NAALADL2: variants seen among roughly 807,000 people sequenced by gnomAD.
NAALADL2 encodes inactive N-acetylated-alpha-linked acidic dipeptidase-like protein 2.
Under a neutral mutation model 87.2 loss-of-function variants are expected in NAALADL2, and 76 were observed. The observed-to-expected ratio is 0.87, with a 90% CI of 0.72 to 1.05. The LOEUF is 1.05. Among genes scored for constraint, NAALADL2 ranks in the 50% least tolerant of loss-of-function variants. The probability of loss-of-function intolerance (pLI) is 0.00; values close to 1 mark genes in which losing one functional copy is unlikely to be tolerated. For synonymous variants in NAALADL2, 354 were observed against 331.0 expected (o/e 1.07, Z -0.75); for missense variants, 1,089 against 945.8 (o/e 1.15, Z -1.99).
intron 13 of NAALADL2, among the ~76,000 whole-genome samples, chr3:175,758,549 G>A (rs1208795870): frequency 6.6e-6 from 1 of 151,804 alleles, no homozygotes; most frequent in Non-Finnish European, 1.5e-5. Flanking sequence ...CCTACTTCAT[G>A]TTTTTTCTTG....
At chr3:175,198,559 T>C (rs1160211264) in intron 2 of NAALADL2, among the ~76,000 whole-genome samples, 1 of 152,064 alleles carries the variant, frequency 6.6e-6, no homozygotes, top group African/African-American at 2.4e-5. Context: ...CAATATATAG[T>C]TAGTACTCTT....
chr3:174,851,297 A>T (rs1376407480), intron 3 of NAALADL2, among the ~76,000 whole-genome samples: 1 of 151,580 alleles, frequency 6.6e-6, no homozygotes, highest in East Asian at 1.9e-4. Context: ...CAAAGACAAC[A>T]CAAAAGCAAG....
At chr3:175,652,628 A>G (rs113346826) in intron 11 of NAALADL2, among the ~76,000 whole-genome samples, 3,438 of 151,368 alleles carry the variant, frequency 0.023, 48 homozygotes, top group African/African-American at 0.032. Context: ...ACAGGCGCCC[A>G]CCACCGCGCC....
intron 3 of NAALADL2, among the ~76,000 whole-genome samples, chr3:175,249,801 A>G (rs544702879): frequency 6.6e-6 from 1 of 152,186 alleles, no homozygotes; most frequent in African/African-American, 2.4e-5. Context: ...TAGTGTGACT[A>G]TATTTGAGAA....
intron 4 of NAALADL2, among the ~76,000 whole-genome samples, chr3:175,283,863 T>C (rs1754638680): frequency 6.6e-6 from 1 of 152,130 alleles, no homozygotes; most frequent in Non-Finnish European, 1.5e-5. Flanking sequence ...TTTATCTCTA[T>C]ACCAAACGTT....
intron 1 of NAALADL2, among the ~76,000 whole-genome samples, chr3:175,087,782 G>A (rs1294930712): frequency 2.6e-5 from 4 of 151,814 alleles, no homozygotes; most frequent in African/African-American, 9.7e-5. Context: ...AAAGGCCGCA[G>A]GGTCCTCTGC....
At chr3:174,543,379 C>T (rs1318218767) in intron 1 of NAALADL2, among the ~76,000 whole-genome samples, 1 of 152,062 alleles carries the variant, frequency 6.6e-6, no homozygotes, top group Non-Finnish European at 1.5e-5. Flanking sequence ...TTCACTGATA[C>T]TTATTCCTTA....
At chr3:175,765,335 T>C (rs1748550560) in intron 13 of NAALADL2, among the ~76,000 whole-genome samples, 1 of 152,086 alleles carries the variant, frequency 6.6e-6, no homozygotes, top group Non-Finnish European at 1.5e-5. Flanking sequence ...AAAGTTTCCA[T>C]TTCTAAAAGG....
intron 1 of NAALADL2, among the ~76,000 whole-genome samples, chr3:175,021,052 G>A (rs1751491980): frequency 6.6e-6 from 1 of 152,068 alleles, no homozygotes; most frequent in South Asian, 2.1e-4. Flanking sequence ...AAACAGAATA[G>A]CAGGAGACAA....
chr3:174,977,844 C>T (rs1035704796), intron 1 of NAALADL2, among the ~76,000 whole-genome samples: 3 of 152,178 alleles, frequency 2.0e-5, no homozygotes, highest in Non-Finnish European at 4.4e-5. Flanking sequence ...CTCTAAATAT[C>T]CCAGAAAACT....
intron 2 of NAALADL2, among the ~76,000 whole-genome samples, chr3:175,207,644 T>A (rs1741138950): frequency 6.6e-6 from 1 of 152,172 alleles, no homozygotes; most frequent in African/African-American, 2.4e-5. Context: ...ATCCACACAT[T>A]TCCTCTCTGT....
At chr3:174,802,279 A>G (rs1197869771) in intron 3 of NAALADL2, among the ~76,000 whole-genome samples, 2 of 152,324 alleles carry the variant, frequency 1.3e-5, no homozygotes, top group East Asian at 1.9e-4. Flanking sequence ...GTCAACAAAC[A>G]TTAAACAAAT....
intron 9 of NAALADL2, among the ~76,000 whole-genome samples, chr3:175,543,710 G>T (rs1219932327): frequency 6.6e-6 from 1 of 152,198 alleles, no homozygotes; most frequent in East Asian, 1.9e-4. Context: ...CTCCCACCAG[G>T]TCCCTCCTAC....
intron 5 of NAALADL2, among the ~76,000 whole-genome samples, chr3:175,331,093 C>G (rs1761336456): frequency 6.6e-6 from 1 of 151,976 alleles, no homozygotes; most frequent in Non-Finnish European, 1.5e-5. Flanking sequence ...AAGATTGAAT[C>G]AGGAAGAAAT....
chr3:174,557,617 T>A (rs1350326821), intron 2 of NAALADL2, among the ~76,000 whole-genome samples: 1 of 152,176 alleles, frequency 6.6e-6, no homozygotes, highest in African/African-American at 2.4e-5. Flanking sequence ...CATGGAGAAA[T>A]ATTTTCATCC....
intron 11 of NAALADL2, among the ~76,000 whole-genome samples, chr3:175,634,420 T>G (rs1474323152): frequency 6.6e-6 from 1 of 152,028 alleles, no homozygotes; most frequent in Admixed American, 6.6e-5. Context: ...GATCTTCTCA[T>G]TTTATAACTA....
rs1035045273 is a variant in NAALADL2 at position 175,698,379 on chromosome 3, T to A, written c.1897-38927T>A. Among the ~76,000 whole-genome samples, 1,005 of 115,118 alleles carry A rather than the reference T, an allele frequency of 8.7e-3. 325 individuals carry two copies. Among genetic ancestry groups the A allele is most frequent in the African/African-American group, 0.037 (946 of 25,414 alleles). The allele number at this position is 115,118 out of a possible 152,430, so 75.5% of individuals were successfully genotyped here. A position where few individuals can be genotyped will look rare whatever the true frequency, so the allele number is the denominator to read the frequency against. Reference sequence around the variant, plus strand: ...TGTATGTGTATATATGTATGTGTATTTATGTATGTATACATATGTATGTGT... The same window carrying A: ...TGTATGTGTATATATGTATGTGTATATATGTATGTATACATATGTATGTGT... On this transcript the variant is annotated intron_variant, in intron 11 of 13. Transcript: ENST00000454872.
intron 3 of NAALADL2, among the ~76,000 whole-genome samples, chr3:174,824,320 T>G (rs1419621525): frequency 6.6e-6 from 1 of 152,204 alleles, no homozygotes; most frequent in African/African-American, 2.4e-5. Flanking sequence ...TAAGTGTATG[T>G]TTACATGATT....
At chr3:175,089,829 A>G (rs1407633189) in intron 1 of NAALADL2, among the ~76,000 whole-genome samples, 1 of 152,208 alleles carries the variant, frequency 6.6e-6, no homozygotes, top group East Asian at 1.9e-4. Context: ...AGATCAGGCA[A>G]ATGCTGATGG....
Sources: gnomAD v4.1 joint callset for allele counts (sites outside exome capture counted in the v4.1 genomes callset) on GRCh38, gnomAD v4.1.1 for gene constraint, MANE v1.5 for transcripts, NCBI Gene and HGNC (gene_info 2026-07-23, HGNC 2026-07-21) for gene names.